Variants in ICAM2 observed in about 807,000 individuals in gnomAD.
The protein encoded by ICAM2 is ICAM-2.
ICAM2 carries 14 observed loss-of-function variants against 19.1 expected under a neutral mutation model. The ratio of observed to expected loss-of-function variants is 0.73; its 90% CI spans 0.48 to 1.15. ICAM2 has a LOEUF of 1.15. Among genes scored for constraint, ICAM2 ranks in the 50% most tolerant of loss-of-function variants. The pLI is 0.00. For synonymous variants in ICAM2, 153 were observed against 152.7 expected, an observed-to-expected ratio of 1.00 and a Z score of -0.01; for missense variants, 311 against 355.4, an observed-to-expected ratio of 0.88 and a Z score of 1.00.
At chr17:64,004,990 G>A in intron 3 of ICAM2, 117 bp downstream of exon 3, 5 of 1,214,534 alleles carry the variant, frequency 4.1e-6, no homozygotes, top group Non-Finnish European at 5.9e-6. Flanking sequence ...GGAGCTCAGG[G>A]AGGCAGGGCC....
Position 64,019,817 on chromosome 17 carries a change from CAAAAAAAA to C in ICAM2, c.-45+698_-45+705del, listed in dbSNP as rs11342409. On this transcript the variant is annotated intron_variant, in intron 1 of 4. Coordinates refer to ENST00000579788, the MANE Select transcript of ICAM2 (RefSeq NM_001099789.2). Reference sequence around the variant, plus strand: ...GGCGACAAGAATGAAAACTCTGTCTCAAAAAAAAAAAAAAAAAAAAAAAGCAGATAAGT... The same window carrying C: ...GGCGACAAGAATGAAAACTCTGTCTCAAAAAAAAAAAAAAAGCAGATAAGT... Among the ~76,000 whole-genome samples the C allele has an allele frequency of 3.7e-3, 197 of 53,832 alleles. 3 individuals are homozygous for C. The highest frequency in any genetic ancestry group is 0.012 in the African/African-American group (189 of 16,188). The allele number at this position is 53,832 out of a possible 152,430, so 35.3% of individuals were successfully genotyped here. A position where few individuals can be genotyped will look rare whatever the true frequency, so the allele number is the denominator to read the frequency against.
intron 1 of ICAM2, chr17:64,020,320 G>C (rs1461662236): frequency 6.6e-6 from 1 of 152,428 alleles, no homozygotes; most frequent in Non-Finnish European, 1.5e-5. Flanking sequence ...TGAGCTCAGA[G>C]ACCCAGCAGG....
At chr17:64,017,569 G>A (rs1244144678) in intron 1 of ICAM2, among the ~76,000 whole-genome samples, 1 of 152,110 alleles carries the variant, frequency 6.6e-6, no homozygotes, top group Non-Finnish European at 1.5e-5. Flanking sequence ...ACCCCAGTAG[G>A]GTTTTTCATG....
At chr17:64,013,756 A>T (rs1018558351) in intron 1 of ICAM2, among the ~76,000 whole-genome samples, 2 of 152,170 alleles carry the variant, frequency 1.3e-5, no homozygotes, top group Non-Finnish European at 2.9e-5. Flanking sequence ...AAGTTACAAT[A>T]GTTCTAAACT....
chr17:64,007,565 A>C (rs1911269795), intron 1 of ICAM2, among the ~76,000 whole-genome samples: 1 of 151,966 alleles, frequency 6.6e-6, no homozygotes, highest in Non-Finnish European at 1.5e-5. Flanking sequence ...CCTGGCCCTC[A>C]CTCAGTTTTC....
intron 3 of ICAM2, chr17:64,004,606 A>G: frequency 5.1e-6 from 1 of 197,504 alleles, no homozygotes; most frequent in Non-Finnish European, 1.1e-5. Context: ...CCCAGGTGAT[A>G]CCCTTAGCGC....
chr17:64,005,510 C>T, intron 2 of ICAM2, 137 bp from the exon 3 acceptor site: 4 of 978,464 alleles, frequency 4.1e-6, no homozygotes, highest in Non-Finnish European at 5.9e-6. Context: ...CTGCTACTTT[C>T]CCCTTGTCAG....
chr17:64,011,752 C>G (rs916204004), intron 1 of ICAM2, among the ~76,000 whole-genome samples: 1 of 151,878 alleles, frequency 6.6e-6, no homozygotes, highest in Non-Finnish European at 1.5e-5. Context: ...AATAATAATA[C>G]TTTTTAAAAA....
At chr17:64,006,942 C>T in intron 1 of ICAM2, 1 of 550,110 alleles carries the variant, frequency 1.8e-6, no homozygotes, top group Non-Finnish European at 3.3e-6. Context: ...GTCCTCCCTG[C>T]TGACTCCCTG....
chr17:64,018,139 C>A lies in ICAM2; in HGVS notation c.-45+2384G>T, dbSNP rs139044038. On this transcript the variant is annotated intron_variant, in intron 1 of 4. Transcript: ENST00000579788. Reference sequence around the variant, plus strand: ...ACGCGGTCAGAAGATCGAGACCATCCTGGCCAACATGGTGAAACCCCATCG... The same window carrying A: ...ACGCGGTCAGAAGATCGAGACCATCATGGCCAACATGGTGAAACCCCATCG... 5.9e-3 allele frequency among the ~76,000 whole-genome samples: 902 copies of A among 152,034 alleles called. 9 individuals carry two copies. Among genetic ancestry groups the A allele is most frequent in the African/African-American group, 0.02 (824 of 41,456 alleles).
At chr17:64,018,072 G>C (rs1911783197) in intron 1 of ICAM2, among the ~76,000 whole-genome samples, 1 of 152,006 alleles carries the variant, frequency 6.6e-6, no homozygotes, top group South Asian at 2.1e-4. Flanking sequence ...GGTCGGGTGC[G>C]GCTGTGACGC....
chr17:64,011,881 A>G (rs1911467756), intron 1 of ICAM2, among the ~76,000 whole-genome samples: 1 of 152,272 alleles, frequency 6.6e-6, no homozygotes, highest in Non-Finnish European at 1.5e-5. Flanking sequence ...AATTAAAAGT[A>G]GAACTACAGA....
At chr17:64,014,356 AAAGAAAGAAAGAAAGAAAGAAAGG>A (rs1194221608) in intron 1 of ICAM2, among the ~76,000 whole-genome samples, 2,102 of 58,854 alleles carry the variant, frequency 0.036, 85 homozygotes, top group African/African-American at 0.097. Flanking sequence ...AGAAAGAAAG[AAAGAAAGAAAGAAAGAAAGAAAGG>A]AAGGAAGGAA....
chr17:64,006,757 A>C, intron 1 of ICAM2, 22 bp from the exon 2 acceptor site: 1 of 1,439,220 alleles, frequency 6.9e-7, no homozygotes, highest in South Asian at 1.2e-5. Flanking sequence ...TGGTGGGCGC[A>C]GGTCTGAGCT....
At chr17:64,003,083 T>G in intron 4 of ICAM2, 158 bp from the exon 5 acceptor site, 1 of 609,542 alleles carries the variant, frequency 1.6e-6, no homozygotes, top group Non-Finnish European at 2.9e-6. Context: ...TGGTGAATGG[T>G]GTCTGCATTA....
intron 1 of ICAM2, among the ~76,000 whole-genome samples, chr17:64,013,261 G>C (rs1390454328): frequency 1.3e-5 from 2 of 152,152 alleles, no homozygotes; most frequent in South Asian, 2.1e-4. Flanking sequence ...GCAGTGAGTT[G>C]AGATCGCACC....
intron 2 of ICAM2, 26 bp from the exon 3 acceptor site, chr17:64,005,399 T>C: frequency 1.2e-6 from 2 of 1,604,310 alleles, no homozygotes; most frequent in Non-Finnish European, 1.7e-6. Context: ...CACTGGGCAG[T>C]CGTGTCATCC....
chr17:64,017,631 C>T (rs1012307274), intron 1 of ICAM2, among the ~76,000 whole-genome samples: 5 of 152,094 alleles, frequency 3.3e-5, no homozygotes, highest in Admixed American at 6.5e-5. Context: ...AGAACCAAGA[C>T]GCCCCTAAAG....
intron 2 of ICAM2, 108 bp downstream of exon 2, chr17:64,006,523 C>A: frequency 1.1e-6 from 1 of 913,104 alleles, no homozygotes; most frequent in Non-Finnish European, 1.7e-6. Context: ...ACCTAAGAAC[C>A]TCAGCAACTT....
Sources: gnomAD v4.1 joint callset for allele counts (sites outside exome capture counted in the v4.1 genomes callset) on GRCh38, gnomAD v4.1.1 for gene constraint, MANE v1.5 for transcripts, NCBI Gene and HGNC (gene_info 2026-07-23, HGNC 2026-07-21) for gene names.